The following UBL5 variants were observed in gnomAD, a reference collection of about 807,000 sequenced individuals.
UBL5 encodes the protein ubiquitin-like protein 5.
A neutral mutation model predicts 11.7 loss-of-function variants in UBL5; 13 were observed. That is an observed-to-expected ratio of 1.11 (90% CI 0.73 to 1.77). The LOEUF is 1.77. UBL5 is among the 40% of genes most tolerant of loss of function. UBL5 has a pLI of 0.00. For missense variants in UBL5, 58 were observed against 92.3 expected (o/e 0.63, Z 1.52); for synonymous variants, 28 against 34.7 (o/e 0.81, Z 0.68).
At chr19:9,828,050 TG>T in intron 1 of UBL5, 66 bp downstream of exon 1, 1 of 544,532 alleles carries the variant, frequency 1.8e-6, no homozygotes, top group Non-Finnish European at 3.3e-6. Flanking sequence ...ACCCAGGGTC[TG>T]GGGTCGGTGG....
intron 4 of UBL5, 113 bp downstream of exon 4, chr19:9,828,987 G>T: frequency 9.7e-7 from 1 of 1,031,052 alleles, no homozygotes; most frequent in Non-Finnish European, 1.5e-6. Flanking sequence ...TTAATACGTG[G>T]CACATGGTGA....
Position 9,830,004 on chromosome 19 carries a change from A to T in UBL5, c.218A>T (p.Gln73Leu). ...HDGMNLELYY[Q>L] ...GGGATGAACCTGGAGCTTTATTATC[A>T]ATAGATGAGAATCCTCATCTTCCTG... The change falls in exon 5 of 5, where the codon CAA becomes CTA. Residue 73 changes from glutamine (Q) to leucine (L), a missense_variant. Physicochemically the swap from Gln to Leu is moderately radical, Grantham distance 113 (BLOSUM62 -2). Coordinates refer to ENST00000586895, the MANE Select transcript of UBL5 (RefSeq NM_001048241.3). 6.2e-7 allele frequency: 1 copy of T among 1,614,000 alleles called. No homozygotes were observed. The highest frequency in any genetic ancestry group is 8.5e-7 in the Non-Finnish European group (1 of 1,179,932).
intron 4 of UBL5, chr19:9,829,088 C>G: frequency 1.7e-6 from 1 of 605,452 alleles, no homozygotes; most frequent in Non-Finnish European, 2.9e-6. Context: ...ATATTTATTA[C>G]TGACCTCCAC....
intron 2 of UBL5, 52 bp from the exon 3 acceptor site, chr19:9,828,540 G>A: frequency 1.2e-6 from 2 of 1,612,572 alleles, no homozygotes; most frequent in Non-Finnish European, 1.7e-6. Context: ...GCCCTAGAAT[G>A]TCCTCTTCCT....
In UBL5 at chr19:9,828,611, G is replaced by A. The variant is rs201695916; in HGVS notation, c.76G>A (p.Asp26Asn). 1 of 1,614,212 alleles carries A rather than the reference G, an allele frequency of 6.2e-7. No homozygotes were observed. The highest frequency in any genetic ancestry group is 8.5e-7 in the Non-Finnish European group (1 of 1,180,044). Residue 26 changes from aspartate (D) to asparagine (N), a missense_variant, in exon 3 of 5, where the codon GAC becomes AAC. Asp to Asn is a conservative substitution (Grantham distance 23, BLOSUM62 1). Coordinates refer to ENST00000586895, the MANE Select transcript of UBL5 (RefSeq NM_001048241.3). ...GCCCAGCACGGATGATACCATCGGG[G>A]ACCTTAAGAAGCTGATTGCAGCCCA... is the stretch of plus-strand genomic sequence containing the variant. The part of the protein sequence containing the change: ...VKCNTDDTIG[D>N]LKKLIAAQTG...
At chr19:9,828,268 C>A in intron 1 of UBL5, 59 bp from the exon 2 acceptor site, 2 of 1,534,502 alleles carry the variant, frequency 1.3e-6, no homozygotes, top group Admixed American at 3.3e-5. Flanking sequence ...GCTTCTGGGC[C>A]TGGGAGACGC....
intron 3 of UBL5, 47 bp downstream of exon 3, chr19:9,828,722 G>A (rs778722005): frequency 1.1e-5 from 17 of 1,613,686 alleles, no homozygotes; most frequent in Admixed American, 1.7e-5. Context: ...TAGGCCGGAA[G>A]GTTTTGGTTG....
chr19:9,828,781 G>C lies in UBL5; in HGVS notation c.141-56G>C. ...TGCTTAGGCTTGGCTACCTCATTTG[G>C]CCTACAGACTGAAGAGCCTCCTTAG... On this transcript the variant is annotated intron_variant, in intron 3 of 4. Coordinates refer to ENST00000586895, the MANE Select transcript of UBL5 (RefSeq NM_001048241.3). 1.9e-6 allele frequency: 3 copies of C among 1,611,804 alleles called. No homozygotes were observed. The East Asian group carries it at 6.7e-5, about 36-fold the overall frequency.
At position 9,830,084 on chromosome 19, in the gene UBL5, A is replaced by G. The variant is rs2046047619; in HGVS notation, c.*76A>G. 1.3e-6 allele frequency: 2 copies of G among 1,579,490 alleles called. No individual in the cohort carries two copies. The highest frequency in any genetic ancestry group is 2.2e-5 in the South Asian group (2 of 89,874). On this transcript the variant is annotated 3_prime_UTR_variant, in exon 5 of 5. Transcript: ENST00000586895. ...CACACTGGGATAGATGCTTGTTTGT[A>G]AAAACTCACCTTAATAAAGACTTAG...
Position 9,828,826 on chromosome 19 carries a change from CT to C in UBL5, c.141-6del. The C allele has an allele frequency of 6.2e-7, 1 of 1,614,186 alleles. No homozygotes were observed. The highest frequency in any genetic ancestry group is 8.5e-7 in the Non-Finnish European group (1 of 1,180,020). ...CCTTAGCCTTATCTCTGAAATGTCT[CT>C]TTTTCTTAGGTACACGATTTTTAAG... On this transcript the variant is annotated splice_polypyrimidine_tract_variant and intron_variant, in intron 3 of 4. Coordinates refer to ENST00000586895, the MANE Select transcript of UBL5 (RefSeq NM_001048241.3).
At chr19:9,828,736 G>T in intron 3 of UBL5, 61 bp downstream of exon 3, 2 of 1,611,956 alleles carry the variant, frequency 1.2e-6, no homozygotes, top group Non-Finnish European at 1.7e-6. Context: ...TTGGTTGGGG[G>T]AGCGCTGCAG....
chr19:9,829,496 CTT>C (rs1357729921), intron 4 of UBL5: 109 of 124,590 alleles, frequency 8.7e-4, no homozygotes, highest in South Asian at 4.1e-3. Context: ...GGAACAGAAA[CTT>C]TTTTTTTTTT....
Position 9,828,330 on chromosome 19 carries a change from C to T in UBL5, c.-8C>T. 6.2e-7 allele frequency: 1 copy of T among 1,614,010 alleles called. No homozygotes were observed. Among genetic ancestry groups the T allele is most frequent in the Non-Finnish European group, 8.5e-7 (1 of 1,179,946 alleles). ...ACCCACCCCCCGCTTTGTGTAGCTC[C>T]AGCTAGGATGATCGAGGTTGTTTGC... On this transcript the variant is annotated 5_prime_UTR_variant, in exon 2 of 5. Coordinates refer to ENST00000586895, the MANE Select transcript of UBL5 (RefSeq NM_001048241.3).
At chr19:9,829,743 T>A in intron 4 of UBL5, 1 of 516,096 alleles carries the variant, frequency 1.9e-6, no homozygotes, top group South Asian at 2.6e-5. Flanking sequence ...GTGAGCCACC[T>A]GCTTCGTCCT....
intron 4 of UBL5, chr19:9,829,657 A>C (rs2145399833): frequency 3.4e-6 from 1 of 296,634 alleles, no homozygotes; most frequent in African/African-American, 2.2e-5. Context: ...CACCACACCC[A>C]GCTAACTTTT....
intron 4 of UBL5, chr19:9,829,169 T>A (rs781528260): frequency 5.2e-6 from 2 of 381,702 alleles, no homozygotes; most frequent in Non-Finnish European, 9.4e-6. Flanking sequence ...GAGCAGAAAC[T>A]TTTTACAATT....
intron 1 of UBL5, 84 bp from the exon 2 acceptor site, chr19:9,828,243 G>T: frequency 7.5e-7 from 1 of 1,325,748 alleles, no homozygotes; most frequent in Non-Finnish European, 1.1e-6. Flanking sequence ...GGGACTGGGA[G>T]ACTTGTAGGC....
chr19:9,828,112 G>A, intron 1 of UBL5, 128 bp downstream of exon 1: 1 of 599,252 alleles, frequency 1.7e-6, no homozygotes, highest in South Asian at 2.0e-5. Context: ...GCGAGAAGGG[G>A]CGGAGGCGCG....
At chr19:9,828,755 T>C (rs2046039705) in intron 3 of UBL5, 80 bp downstream of exon 3, 14 of 1,610,562 alleles carry the variant, frequency 8.7e-6, no homozygotes, top group Non-Finnish European at 1.1e-5. Context: ...AGGCAGCCCT[T>C]TGCTTAGGCT....
Sources: allele counts gnomAD v4.1 joint callset, GRCh38; gene constraint gnomAD v4.1.1; transcripts MANE v1.5; gene names NCBI Gene and HGNC (gene_info 2026-07-23, HGNC 2026-07-21).